APP: variants seen among roughly 807,000 people sequenced by gnomAD.
APP encodes amyloid-beta precursor protein.
APP carries 31 observed loss-of-function variants against 101.4 expected under a neutral mutation model. The ratio of observed to expected loss-of-function variants is 0.31; its 90% CI spans 0.23 to 0.41. APP has a LOEUF of 0.41. Among genes scored for constraint, APP ranks in the 10% least tolerant of loss-of-function variants. The pLI, the probability that APP is intolerant of heterozygous loss-of-function variation, is 1.00. For synonymous variants in APP, 366 were observed against 364.4 expected (o/e 1.00, Z -0.05); for missense variants, 839 against 1,003.7 (o/e 0.84, Z 2.22).
At chr21:26,036,653 T>C (rs1485241581) in intron 5 of APP, among the ~76,000 whole-genome samples, 2 of 152,170 alleles carry the variant, frequency 1.3e-5, no homozygotes, top group African/African-American at 4.8e-5. Flanking sequence ...GACACAGTAT[T>C]TGAGACAGAG....
At chr21:26,057,012 TTC>T (rs1315956232) in intron 3 of APP, among the ~76,000 whole-genome samples, 1 of 152,234 alleles carries the variant, frequency 6.6e-6, no homozygotes. Context: ...GGTTTATATT[TTC>T]TCTTTTTAAT....
chr21:26,024,468 T>C (rs147296988), intron 5 of APP, among the ~76,000 whole-genome samples: 21 of 152,288 alleles, frequency 1.4e-4, no homozygotes, highest in African/African-American at 4.3e-4. Context: ...CAGCATTATG[T>C]AGGAAATCAG....
chr21:26,065,085 C>G (rs2146012730), intron 3 of APP, among the ~76,000 whole-genome samples: 1 of 152,248 alleles, frequency 6.6e-6, no homozygotes, highest in South Asian at 2.1e-4. Flanking sequence ...GACTTCCGAC[C>G]TCAAATGATC....
intron 17 of APP, among the ~76,000 whole-genome samples, chr21:25,889,883 CA>C (rs2037574556): frequency 6.6e-6 from 1 of 151,868 alleles, no homozygotes; most frequent in Non-Finnish European, 1.5e-5. Flanking sequence ...AAGAAAACAA[CA>C]AAACCATGAA....
intron 1 of APP, among the ~76,000 whole-genome samples, chr21:26,159,507 A>C (rs184938392): frequency 2.6e-5 from 4 of 152,224 alleles, no homozygotes; most frequent in African/African-American, 9.6e-5. Context: ...ATATTCAGCT[A>C]AACATTCTGC....
chr21:26,126,745 G>C (rs909371042), intron 1 of APP, among the ~76,000 whole-genome samples: 1 of 152,126 alleles, frequency 6.6e-6, no homozygotes, highest in Non-Finnish European at 1.5e-5. Context: ...GGCTCAAAAT[G>C]TCAGTAATTC....
chr21:26,004,275 CTTTTTT>C (rs71183538), intron 6 of APP, among the ~76,000 whole-genome samples: 35 of 72,808 alleles, frequency 4.8e-4, no homozygotes, highest in African/African-American at 1.8e-3. Flanking sequence ...TGTATTAATT[CTTTTTT>C]TTTTTTTTTT....
chr21:25,900,016 CTTATT>C (rs1435499903), intron 15 of APP, among the ~76,000 whole-genome samples: 1 of 152,070 alleles, frequency 6.6e-6, no homozygotes, highest in Non-Finnish European at 1.5e-5. Flanking sequence ...GTTCTCTATT[CTTATT>C]TATTTTCTTA....
intron 6 of APP, among the ~76,000 whole-genome samples, chr21:26,010,589 CACT>C (rs2043748193): frequency 6.6e-6 from 1 of 151,802 alleles, no homozygotes; most frequent in Non-Finnish European, 1.5e-5. Context: ...ATGGATGGAT[CACT>C]TGAGGTCAGC....
chr21:25,974,942 G>A (rs1217366731), intron 11 of APP, 128 bp downstream of exon 11: 3 of 1,385,158 alleles, frequency 2.2e-6, no homozygotes, highest in Non-Finnish European at 3.0e-6. Flanking sequence ...GACAGGGGTT[G>A]AACCTCTGAA....
At chr21:25,987,517 C>T (rs1391019990) in intron 8 of APP, among the ~76,000 whole-genome samples, 3 of 152,176 alleles carry the variant, frequency 2.0e-5, no homozygotes, top group East Asian at 1.9e-4. Flanking sequence ...GATATATAGG[C>T]TATTACCTCC....
intron 13 of APP, among the ~76,000 whole-genome samples, chr21:25,944,829 C>T (rs1227589625): frequency 1.3e-5 from 2 of 152,156 alleles, no homozygotes. Context: ...AAAAGCAGGA[C>T]ACATCTGCTC....
chr21:26,084,419 T>C (rs1311947197), intron 3 of APP, among the ~76,000 whole-genome samples: 1 of 152,130 alleles, frequency 6.6e-6, no homozygotes, highest in Non-Finnish European at 1.5e-5. Flanking sequence ...TTTGTATTTT[T>C]AGTAGAGACG....
chr21:25,902,278 T>C (rs1431639311), intron 15 of APP, among the ~76,000 whole-genome samples: 1 of 152,142 alleles, frequency 6.6e-6, no homozygotes, highest in Non-Finnish European at 1.5e-5. Flanking sequence ...GCTTTCTAAG[T>C]TTGGAAAGGC....
At chr21:25,986,912 C>T (rs184047376) in intron 8 of APP, among the ~76,000 whole-genome samples, 8 of 152,294 alleles carry the variant, frequency 5.3e-5, no homozygotes, top group African/African-American at 1.7e-4. Flanking sequence ...AGGCAAAACA[C>T]TATCATTTAA....
chr21:25,999,443 C>A (rs535042138), intron 7 of APP, among the ~76,000 whole-genome samples: 1 of 152,098 alleles, frequency 6.6e-6, no homozygotes, highest in Non-Finnish European at 1.5e-5. Flanking sequence ...GGGGGCAAGA[C>A]GGGCACTTCT....
rs115159628 is a variant in APP at position 26,077,320 on chromosome 21, G to A, written c.355+12623C>T. Among the ~76,000 whole-genome samples the A allele has an allele frequency of 3.6e-3, 545 of 152,116 alleles. 4 individuals carry two copies. The highest frequency in any genetic ancestry group is 0.013 in the African/African-American group (528 of 41,496). On this transcript the variant is annotated intron_variant, in intron 3 of 17. Transcript: ENST00000346798. ...TGTAGGTCTTCCCACTATGGAACAT[G>A]AGCCCACCCCTTTCCCTTCCCACCA...
rs751120313 is a variant in APP at position 26,021,911 on chromosome 21, G to A, written c.794C>T (p.Ala265Val). The change falls in exon 6 of 18, where the codon GCC (alanine) becomes GTC (valine). Residue 265 changes from alanine (A) to valine (V), a missense_variant. By Grantham distance (64) the Ala-to-Val change is moderately conservative. Transcript: ENST00000346798. ...GGCAATGCTGGTGGTTCTCTCTGTG[G>A]CTTCTTCGTAGGGTTCCTCAGCCTC... ...EEEAEEPYEE[A>V]TERTTSIATT... is the part of the protein sequence containing the mutation. 2 of 1,613,210 alleles carry A rather than the reference G, an allele frequency of 1.2e-6. No homozygotes were observed. The highest frequency in any genetic ancestry group is 1.1e-5 in the South Asian group (1 of 91,014).
chr21:26,008,675 C>G (rs1601191824), intron 6 of APP, among the ~76,000 whole-genome samples: 2 of 152,252 alleles, frequency 1.3e-5, no homozygotes, highest in Admixed American at 1.3e-4. Flanking sequence ...GTTGGCTACA[C>G]TACCATGTTA....
Sources: allele counts gnomAD v4.1 joint callset (sites outside exome capture counted in the v4.1 genomes callset), GRCh38; gene constraint gnomAD v4.1.1; transcripts MANE v1.5; gene names NCBI Gene and HGNC (gene_info 2026-07-23, HGNC 2026-07-21).